The following PDE8B variants were observed in gnomAD, a reference collection of about 807,000 sequenced individuals.
PDE8B encodes phosphodiesterase 8B, also known as high affinity cAMP-specific and IBMX-insensitive 3',5'-cyclic phosphodiesterase 8B.
Under a neutral mutation model 101.3 loss-of-function variants are expected in PDE8B, and 26 were observed. The ratio of observed to expected loss-of-function variants is 0.26; its 90% CI spans 0.19 to 0.36. The LOEUF (loss-of-function observed/expected upper bound fraction) is 0.36, where lower values mean the gene tolerates loss of function less well. Among genes scored for constraint, PDE8B ranks in the 10% least tolerant of loss-of-function variants. PDE8B has a pLI of 1.00. For synonymous variants in PDE8B, 424 were observed against 429.3 expected, an observed-to-expected ratio of 0.99 and a Z score of 0.15; for missense variants, 810 against 1,163.1, an observed-to-expected ratio of 0.70 and a Z score of 4.42.
At chr5:77,317,369 A>G (rs1028707968) in intron 2 of PDE8B, among the ~76,000 whole-genome samples, 2 of 152,224 alleles carry the variant, frequency 1.3e-5, no homozygotes, top group South Asian at 4.1e-4. Context: ...AAATGGCTTG[A>G]TAAGAATATT....
upstream of PDE8B, among the ~76,000 whole-genome samples, chr5:77,210,197 G>A (rs893788028): frequency 5.3e-5 from 8 of 152,190 alleles, no homozygotes; most frequent in African/African-American, 1.9e-4. The surrounding 1 kb of genome is among the most constrained non-coding windows in gnomAD (Gnocchi z 4.9). Flanking sequence ...GGGGAAGAGG[G>A]GCTGGGGCGC....
chr5:77,368,091 A>G (rs1406726459), intron 10 of PDE8B, among the ~76,000 whole-genome samples: 6 of 152,158 alleles, frequency 3.9e-5, no homozygotes, highest in African/African-American at 1.4e-4. Flanking sequence ...TTGGCCTCCC[A>G]TTTTCAGTAG....
At chr5:77,275,983 G>A (rs1763784377) in intron 1 of PDE8B, among the ~76,000 whole-genome samples, 1 of 152,122 alleles carries the variant, frequency 6.6e-6, no homozygotes, top group Non-Finnish European at 1.5e-5. Flanking sequence ...CCTTTATACT[G>A]AATTAATTAT....
intron 17 of PDE8B, among the ~76,000 whole-genome samples, chr5:77,417,317 A>G (rs890845025): frequency 2.0e-5 from 3 of 152,152 alleles, no homozygotes; most frequent in Non-Finnish European, 2.9e-5. Context: ...AAGCATCTGT[A>G]CTTTCCTTCT....
At chr5:77,410,583 A>G (rs1794354722) in intron 14 of PDE8B, 1 of 152,028 alleles carries the variant, frequency 6.6e-6, no homozygotes, top group African/African-American at 2.4e-5. Context: ...GAGTGATTCC[A>G]CCTCAATTTT....
At chr5:77,282,619 C>G (rs1765231071) in intron 1 of PDE8B, among the ~76,000 whole-genome samples, 1 of 152,054 alleles carries the variant, frequency 6.6e-6, no homozygotes, top group African/African-American at 2.4e-5. Flanking sequence ...CTATCTGCTG[C>G]TCGGAGGCAG....
At chr5:77,421,723 T>C (rs1450240576) in intron 19 of PDE8B, 98 bp from the exon 20 acceptor site, 1 of 1,131,686 alleles carries the variant, frequency 8.8e-7, no homozygotes, top group Non-Finnish European at 1.3e-6. Flanking sequence ...CAGTCCTACC[T>C]GTGTGCTCGG....
intron 10 of PDE8B, among the ~76,000 whole-genome samples, chr5:77,361,852 A>G (rs535790848): frequency 1.3e-5 from 2 of 152,186 alleles, no homozygotes; most frequent in Middle Eastern, 3.4e-3. Context: ...ATATCAACTA[A>G]CATTTATGCC....
At chr5:77,265,436 G>GT (rs1761497499) in intron 1 of PDE8B, among the ~76,000 whole-genome samples, 1 of 152,072 alleles carries the variant, frequency 6.6e-6, no homozygotes, top group South Asian at 2.1e-4. Flanking sequence ...AGTGTCTTTA[G>GT]TATAACAATT....
intron 8 of PDE8B, among the ~76,000 whole-genome samples, chr5:77,349,909 A>G (rs766342438): frequency 6.6e-6 from 1 of 152,182 alleles, no homozygotes; most frequent in Admixed American, 6.5e-5. Flanking sequence ...GAGACTAGAC[A>G]TATTTAATAC....
the PDE8B span, chr5:77,140,819 G>A: frequency 1.3e-5 from 2 of 152,158 alleles, no homozygotes; most frequent in African/African-American, 4.8e-5. Flanking sequence ...CTAAGTTATT[G>A]CTGTCAGATG....
chr5:77,103,870 A>G, the PDE8B span, among the ~76,000 whole-genome samples: 1 of 152,192 alleles, frequency 6.6e-6, no homozygotes, highest in Non-Finnish European at 1.5e-5. Context: ...AAGGAGTTAC[A>G]CTTAGAGTTA....
At chr5:77,137,335 A>G in the PDE8B span, among the ~76,000 whole-genome samples, 3 of 152,194 alleles carry the variant, frequency 2.0e-5, no homozygotes, top group Admixed American at 2.0e-4. Flanking sequence ...ATGCAGCTGG[A>G]TTGAAAGACA....
chr5:77,138,210 G>A, the PDE8B span, among the ~76,000 whole-genome samples: 159 of 151,114 alleles, frequency 1.1e-3, 1 homozygote, highest in East Asian at 5.8e-4. Flanking sequence ...TTTGGAGTCC[G>A]GGGGGTGGCT....
rs1043442293 is a variant in PDE8B at position 77,219,136 on chromosome 5, G to T, written c.339+7872G>T. On this transcript the variant is annotated intron_variant, in intron 1 of 21. Transcript: ENST00000264917. ...CAGGTCAAGGCCTTGGTGTTATCCT[G>T]AGGTGGTTCCCTGTGGAATTCTTTG... Among the ~76,000 whole-genome samples, 3 of 152,312 alleles carry T rather than the reference G, an allele frequency of 2.0e-5. No individual in the cohort carries two copies. In the East Asian group the frequency reaches 5.8e-4, roughly 29 times the overall value.
chr5:77,170,419 G>C, the PDE8B span, among the ~76,000 whole-genome samples: 1 of 152,136 alleles, frequency 6.6e-6, no homozygotes, highest in Non-Finnish European at 1.5e-5. Context: ...CACAACAAAA[G>C]TCTACACAGA....
At chr5:77,402,107 A>T (rs1356787267) in intron 11 of PDE8B, among the ~76,000 whole-genome samples, 1 of 152,162 alleles carries the variant, frequency 6.6e-6, no homozygotes. Context: ...TACACAAATA[A>T]ATGCTAGGAC....
chr5:77,097,701 A>ATATATCTATATATCTATATC, the PDE8B span, among the ~76,000 whole-genome samples: 1 of 21,642 alleles, frequency 4.6e-5, no homozygotes, highest in African/African-American at 1.3e-4. Context: ...ATCTATATAT[A>ATATATCTATATATCTATATC]TATATCTATA....
the PDE8B span, chr5:77,165,595 A>G: frequency 2.6e-5 from 4 of 152,470 alleles, no homozygotes; most frequent in Non-Finnish European, 5.9e-5. Context: ...CAAAAAACAG[A>G]AAAACCTTCT....
Sources: allele counts gnomAD v4.1 joint callset (sites outside exome capture counted in the v4.1 genomes callset), GRCh38; gene constraint gnomAD v4.1.1; non-coding constraint Gnocchi (gnomAD v3.1); transcripts MANE v1.5; gene names NCBI Gene and HGNC (gene_info 2026-07-23, HGNC 2026-07-21).